The following BTNL9 variants were observed in gnomAD, a reference collection of about 807,000 sequenced individuals.
BTNL9 encodes butyrophilin-like protein 9.
A neutral mutation model predicts 45.8 loss-of-function variants in BTNL9; 45 were observed. That is an observed-to-expected ratio of 0.98 (90% CI 0.77 to 1.26). The LOEUF (loss-of-function observed/expected upper bound fraction) is 1.26. Among genes scored for constraint, BTNL9 ranks in the 50% most tolerant of loss-of-function variants. The pLI, the probability that BTNL9 is intolerant of heterozygous loss-of-function variation, is 0.00. For synonymous variants in BTNL9, 346 were observed against 330.8 expected, an observed-to-expected ratio of 1.05 and a Z score of -0.50; for missense variants, 784 against 729.7, an observed-to-expected ratio of 1.07 and a Z score of -0.86.
In BTNL9 at chr5:181,055,298, A is replaced by G; in HGVS notation, c.908-135A>G. On this transcript the variant is annotated intron_variant, in intron 7 of 10. Transcript: ENST00000327705. This position sits in a 1 kb window ranked among gnomAD's most constrained non-coding sequence, Gnocchi z 4.4. ...GAGGGCAATGAAGGGGCAAAGAGGAAGCTGTAAAAAAAAAAAAATGAAGCT... is the reference window on the plus strand; with the variant it reads ...GAGGGCAATGAAGGGGCAAAGAGGAGGCTGTAAAAAAAAAAAAATGAAGCT... The G allele has an allele frequency of 6.4e-7, 1 of 1,558,756 alleles. No homozygotes were observed. The highest frequency in any genetic ancestry group is 8.6e-7 in the Non-Finnish European group (1 of 1,157,010).
intron 10 of BTNL9, among the ~76,000 whole-genome samples, chr5:181,058,814 T>TAAA (rs200022713): frequency 1.5e-4 from 20 of 134,946 alleles, no homozygotes; most frequent in African/African-American, 5.1e-4. Context: ...GGACTGTATG[T>TAAA]AAAAAAAAAA....
At position 181,047,991 on chromosome 5, in the gene BTNL9, G is replaced by A. The variant is rs138816460; in HGVS notation, c.174G>A (p.Pro58=). ...TCGTCGGGGAGGAGGTGGAGTTCCC[G>A]TGCCACCTATGGCCACAGCTGGATG... ...LALVGEEVEF[P]CHLWPQLDAQ... is the part of the protein sequence containing the mutation. Residue 58 remains proline, a synonymous_variant, in exon 3 of 11, where the codon CCG becomes CCA. Coordinates refer to ENST00000327705, the MANE Select transcript of BTNL9 (RefSeq NM_152547.5). 1.8e-5 allele frequency: 29 copies of A among 1,613,834 alleles called. No individual in the cohort carries two copies. Among genetic ancestry groups the A allele is most frequent in the Middle Eastern group, 3.3e-4 (2 of 6,034 alleles).
chr5:181,054,479 C>T (rs769350326), intron 7 of BTNL9: 151 of 985,486 alleles, frequency 1.5e-4, no homozygotes, highest in South Asian at 6.1e-4. Context: ...AGCTCCTCCC[C>T]TGCAAATTAG....
intron 1 of BTNL9, 101 bp from the exon 2 acceptor site, chr5:181,045,366 C>CAAAAAT (rs1761041297): frequency 7.6e-6 from 5 of 661,444 alleles, no homozygotes; most frequent in Non-Finnish European, 1.3e-5. Context: ...GAGAACTAGA[C>CAAAAAT]AAAAATAACT....
At chr5:181,041,319 GAA>G (rs1760765686) in intron 1 of BTNL9, among the ~76,000 whole-genome samples, 1 of 152,216 alleles carries the variant, frequency 6.6e-6, no homozygotes, top group South Asian at 2.1e-4. Flanking sequence ...TATTTGTCAG[GAA>G]GATAGTGTTA....
chr5:181,048,733 ATATATCTATC>A (rs1296281631), intron 3 of BTNL9, among the ~76,000 whole-genome samples: 3 of 80,678 alleles, frequency 3.7e-5, no homozygotes, highest in African/African-American at 8.8e-5. Flanking sequence ...ATATCTATAT[ATATATCTATC>A]TATATATATA....
rs1391663888 is a variant in BTNL9 at position 181,056,034 on chromosome 5, T to C, written c.955+19T>C. 6.2e-7 allele frequency: 1 copy of C among 1,613,880 alleles called. No homozygotes were observed. On this transcript the variant is annotated intron_variant, in intron 9 of 10. Coordinates refer to ENST00000327705, the MANE Select transcript of BTNL9 (RefSeq NM_152547.5). The stretch of plus-strand genomic sequence containing the variant: ...CAGGCTGGTGAGTGGAACCCATCTC[T>C]CTCTGACTCCTCCTCATTTATATCT...
chr5:181,053,094 G>A lies in BTNL9; in HGVS notation c.737-106G>A. 1.0e-6 allele frequency: 1 copy of A among 984,042 alleles called. No individual in the cohort carries two copies. The highest frequency in any genetic ancestry group is 1.4e-6 in the Non-Finnish European group (1 of 693,468). 61.0% of individuals were successfully genotyped at this position (984,042 alleles called of 1,614,324 possible). A position where few individuals can be genotyped will look rare whatever the true frequency, so the allele number is the denominator to read the frequency against. ...TCCCAGGCGGCTGCGGTGGCGCCCG[G>A]AGAAGGTCCCGCGGGAGGTTTCCCG... On this transcript the variant is annotated intron_variant, in intron 4 of 10. Transcript: ENST00000327705. The surrounding 1 kb of genome is among the most constrained non-coding windows in gnomAD (Gnocchi z 6.5).
chr5:181,043,867 G>T lies in BTNL9; in HGVS notation c.-23-1600G>T, dbSNP rs544822784. On this transcript the variant is annotated intron_variant, in intron 1 of 10. Transcript: ENST00000327705. ...CCACCAGTAGCCACAGAGGGTGAGA[G>T]TCTGGACTGTCCAGCCAGGGCCTGG... Among the ~76,000 whole-genome samples, 211 of 152,372 alleles carry T rather than the reference G, an allele frequency of 1.4e-3. 1 individual carries two copies. Among genetic ancestry groups the T allele is most frequent in the African/African-American group, 4.6e-3 (193 of 41,596 alleles).
rs1762054227 is a variant in BTNL9, at chr5:181,059,468, TGCCGCGCGCGGG to T, written c.1218_1229del (p.Arg407_Pro410del). 2 of 1,445,520 alleles carry T rather than the reference TGCCGCGCGCGGG, an allele frequency of 1.4e-6. No homozygotes were observed. The highest frequency in any genetic ancestry group is 3.1e-5 in the Admixed American group (1 of 32,378). 89.5% of individuals were successfully genotyped at this position (1,445,520 alleles called of 1,614,324 possible). A position where few individuals can be genotyped will look rare whatever the true frequency, so the allele number is the denominator to read the frequency against. ...TTCCTGGGCGCCTGCCTGGCCGCGG[TGCCGCGCGCGGG>T]GCCTGCGCGCCTGAGCCCTGCGGCC... On this transcript the variant is annotated inframe_deletion, in exon 11 of 11. Transcript: ENST00000327705.
intron 4 of BTNL9, among the ~76,000 whole-genome samples, chr5:181,051,342 A>C (rs1450822435): frequency 6.6e-6 from 1 of 152,196 alleles, no homozygotes; most frequent in Non-Finnish European, 1.5e-5. Context: ...CACGAGTCCA[A>C]ATCAAAAGCT....
In BTNL9 at chr5:181,053,643, C is replaced by G. The variant is rs1413018560; in HGVS notation, c.886+142C>G. 1 of 1,541,382 alleles carries G rather than the reference C, an allele frequency of 6.5e-7. No individual in the cohort carries two copies. The highest frequency in any genetic ancestry group is 2.0e-5 in the Admixed American group (1 of 50,178). On this transcript the variant is annotated intron_variant, in intron 6 of 10. Transcript: ENST00000327705. This position sits in a 1 kb window ranked among gnomAD's most constrained non-coding sequence, Gnocchi z 6.5. ...ACCGGGGAACGGGGATCGGTGACCC[C>G]GGTGGGGAAGGGGGAAGATCGTTCA...
chr5:181,050,046 C>G lies in BTNL9; in HGVS notation c.455-42C>G, dbSNP rs929168782. ...GGCAGGAATGTTATGCGTGATTTCTCAGAAGAAGCCTGACCTTTCCCACTC... is the reference window on the plus strand; with the variant it reads ...GGCAGGAATGTTATGCGTGATTTCTGAGAAGAAGCCTGACCTTTCCCACTC... On this transcript the variant is annotated intron_variant, in intron 3 of 10. Transcript: ENST00000327705. This position sits in a 1 kb window ranked among gnomAD's most constrained non-coding sequence, Gnocchi z 4.9. The G allele has an allele frequency of 1.3e-6, 2 of 1,584,126 alleles. No individual in the cohort carries two copies.
chr5:181,061,504 GAAAAC>G lies in BTNL9; in HGVS notation c.*1644_*1648del, dbSNP rs1304290317. 1 of 152,144 alleles carries G rather than the reference GAAAAC, an allele frequency of 6.6e-6. No homozygotes were observed. Among genetic ancestry groups the G allele is most frequent in the Non-Finnish European group, 1.5e-5 (1 of 68,028 alleles). The allele number at this position is 152,144 out of a possible 1,614,324, so 9.4% of individuals were successfully genotyped here. On this transcript the variant is annotated 3_prime_UTR_variant, in exon 11 of 11. Coordinates refer to ENST00000327705, the MANE Select transcript of BTNL9 (RefSeq NM_152547.5). ...TATGTATCAGTTCTGTAATAAAGGGGAAAACACTTTTTTTAAATACTCATATTCAA... is the reference window on the plus strand; with the variant it reads ...TATGTATCAGTTCTGTAATAAAGGGGACTTTTTTTAAATACTCATATTCAA...
chr5:181,050,215 G>C lies in BTNL9; in HGVS notation c.582G>C (p.Leu194=). The stretch of plus-strand genomic sequence containing the variant: ...GGAGAGACCACCAGGGACAGTGCCT[G>C]CCTCCAGAGTTTGAAGCCATCGTCT... ...VQWRDHQGQC[L]PPEFEAIVWD... The change falls in exon 4 of 11, where the codon CTG becomes CTC. Residue 194 remains leucine, a synonymous_variant. Transcript: ENST00000327705. This position sits in a 1 kb window ranked among gnomAD's most constrained non-coding sequence, Gnocchi z 4.9. 2 of 1,614,104 alleles carry C rather than the reference G, an allele frequency of 1.2e-6. No homozygotes were observed.
At chr5:181,046,694 AGAGCGAGAGAGAGAGG>A (rs61012949) in intron 2 of BTNL9, among the ~76,000 whole-genome samples, 1,961 of 152,002 alleles carry the variant, frequency 0.013, 46 homozygotes, top group African/African-American at 0.045. Context: ...AGAGAGAGAG[AGAGCGAGAGAGAGAGG>A]GAGAGAGAGA....
intron 2 of BTNL9, among the ~76,000 whole-genome samples, chr5:181,046,910 G>T (rs1761209007): frequency 6.6e-6 from 1 of 152,194 alleles, no homozygotes; most frequent in African/African-American, 2.4e-5. Context: ...TCAGACATCG[G>T]TGTGTGGAGA....
Position 181,055,067 on chromosome 5 carries a change from G to A in BTNL9, c.908-366G>A. The A allele has an allele frequency of 9.2e-7, 1 of 1,082,414 alleles. No homozygotes were observed. Among genetic ancestry groups the A allele is most frequent in the Non-Finnish European group, 1.1e-6 (1 of 891,826 alleles). 67.1% of individuals were successfully genotyped at this position (1,082,414 alleles called of 1,614,324 possible). On this transcript the variant is annotated intron_variant, in intron 7 of 10. Transcript: ENST00000327705. The surrounding 1 kb of genome is among the most constrained non-coding windows in gnomAD (Gnocchi z 4.4). Reference sequence around the variant, plus strand: ...AACGCACCCGGTGAGTGACCGTGAGGCTCACGTAGGCGGCCCTCAGTGCCT... The same window carrying A: ...AACGCACCCGGTGAGTGACCGTGAGACTCACGTAGGCGGCCCTCAGTGCCT...
chr5:181,046,688 A>C (rs1311340773), intron 2 of BTNL9, among the ~76,000 whole-genome samples: 1 of 151,762 alleles, frequency 6.6e-6, no homozygotes, highest in Non-Finnish European at 1.5e-5. Flanking sequence ...AGAGCGAGAG[A>C]GAGAGAGAGC....
Sources: gnomAD v4.1 joint callset for allele counts (sites outside exome capture counted in the v4.1 genomes callset) on GRCh38, gnomAD v4.1.1 for gene constraint, Gnocchi (gnomAD v3.1) non-coding constraint, MANE v1.5 for transcripts, NCBI Gene and HGNC (gene_info 2026-07-23, HGNC 2026-07-21) for gene names.